Variants in RBFOX1 observed in about 807,000 individuals in gnomAD.
RBFOX1 encodes RNA binding protein fox-1 homolog 1.
Under a neutral mutation model 57.7 loss-of-function variants are expected in RBFOX1, and 8 were observed. The observed-to-expected ratio is 0.14, with a 90% confidence interval of 0.08 to 0.25. RBFOX1 has a LOEUF of 0.25. Among genes scored for constraint, RBFOX1 ranks in the 10% least tolerant of loss-of-function variants. The probability of loss-of-function intolerance (pLI) is 1.00; values close to 1 mark genes in which losing one functional copy is unlikely to be tolerated. For missense variants in RBFOX1, 611 were observed against 548.5 expected (o/e 1.11, Z -1.14); for synonymous variants, 326 against 222.4 (o/e 1.47, Z -4.15).
At chr16:5,666,732 G>A (rs1372864082) in intron 3 of RBFOX1, among the ~76,000 whole-genome samples, 1 of 152,180 alleles carries the variant, frequency 6.6e-6, no homozygotes, top group African/African-American at 2.4e-5. Flanking sequence ...TTTCTAGGTA[G>A]GGAATGGATC....
At chr16:7,079,905 G>C (rs1172081436) in intron 4 of RBFOX1, among the ~76,000 whole-genome samples, 2 of 151,844 alleles carry the variant, frequency 1.3e-5, no homozygotes, top group Non-Finnish European at 2.9e-5. Flanking sequence ...AAAAAGTTCT[G>C]TGGGTGGATG....
chr16:6,504,681 G>C (rs2153189745), intron 2 of RBFOX1, among the ~76,000 whole-genome samples: 1 of 152,288 alleles, frequency 6.6e-6, no homozygotes, highest in South Asian at 2.1e-4. Context: ...AAAGCTCCTT[G>C]TACATGCATT....
chr16:7,504,082 A>G (rs1278695698), intron 4 of RBFOX1, among the ~76,000 whole-genome samples: 1 of 152,200 alleles, frequency 6.6e-6, no homozygotes, highest in Non-Finnish European at 1.5e-5. Context: ...AAAAATTAAC[A>G]ATAATGGCAG....
intron 3 of RBFOX1, among the ~76,000 whole-genome samples, chr16:6,818,088 G>A (rs2090496672): frequency 2.0e-5 from 3 of 152,134 alleles, no homozygotes; most frequent in Admixed American, 1.3e-4. Context: ...TGATGTAATT[G>A]CATTATTGTT....
chr16:7,593,639 G>A (rs1370041941), intron 7 of RBFOX1, among the ~76,000 whole-genome samples: 1 of 151,786 alleles, frequency 6.6e-6, no homozygotes, highest in African/African-American at 2.4e-5. Flanking sequence ...ACACAGGTTT[G>A]AACTGTGCAG....
chr16:5,400,956 T>C (rs563549494), intron 1 of RBFOX1, among the ~76,000 whole-genome samples: 6 of 152,308 alleles, frequency 3.9e-5, no homozygotes, highest in African/African-American at 1.4e-4. Flanking sequence ...TTTGAAAGAT[T>C]CTTTATATAT....
intron 2 of RBFOX1, among the ~76,000 whole-genome samples, chr16:6,490,576 G>T (rs2095610015): frequency 6.6e-6 from 1 of 152,178 alleles, no homozygotes; most frequent in South Asian, 2.1e-4. Flanking sequence ...CCTGCAGAAA[G>T]CTCAGAGATG....
At chr16:6,148,635 G>A (rs1186489023) in intron 1 of RBFOX1, among the ~76,000 whole-genome samples, 1 of 152,188 alleles carries the variant, frequency 6.6e-6, no homozygotes, top group Admixed American at 6.5e-5. Context: ...GAGTGACTGT[G>A]TTCTCTAAAA....
At chr16:7,042,422 G>T (rs562029787) in intron 3 of RBFOX1, among the ~76,000 whole-genome samples, 5 of 152,068 alleles carry the variant, frequency 3.3e-5, no homozygotes, top group African/African-American at 9.7e-5. Flanking sequence ...CTATCTTTAC[G>T]GTTTTAGGAA....
intron 2 of RBFOX1, among the ~76,000 whole-genome samples, chr16:6,521,398 C>G (rs932134357): frequency 6.6e-6 from 1 of 151,384 alleles, no homozygotes; most frequent in African/African-American, 2.4e-5. Context: ...CCCTCTCTCC[C>G]TCCCTTCCTC....
At chr16:7,635,149 G>T (rs2061559219) in intron 11 of RBFOX1, among the ~76,000 whole-genome samples, 1 of 152,190 alleles carries the variant, frequency 6.6e-6, no homozygotes, top group Non-Finnish European at 1.5e-5. Flanking sequence ...GCAGAAATAG[G>T]AAGGTAAAGA....
intron 1 of RBFOX1, among the ~76,000 whole-genome samples, chr16:6,242,634 A>ACACT (rs1735812572): frequency 9.6e-6 from 1 of 103,926 alleles, no homozygotes; most frequent in Non-Finnish European, 1.9e-5. Flanking sequence ...TTGCAAACAC[A>ACACT]CACACACACA....
At chr16:5,924,064 A>C (rs563948408) in intron 4 of RBFOX1, among the ~76,000 whole-genome samples, 3 of 151,922 alleles carry the variant, frequency 2.0e-5, no homozygotes, top group Non-Finnish European at 4.4e-5. Context: ...ACTGAATCTC[A>C]TGGTATCTGA....
At chr16:7,367,885 T>TAC (rs34277471) in intron 4 of RBFOX1, among the ~76,000 whole-genome samples, 69,153 of 148,272 alleles carry the variant, frequency 0.47, 16,918 homozygotes, top group East Asian at 0.69. Flanking sequence ...CATGCGTGCA[T>TAC]ACACACACAC....
At chr16:7,099,780 G>C (rs2062355300) in intron 4 of RBFOX1, among the ~76,000 whole-genome samples, 1 of 152,182 alleles carries the variant, frequency 6.6e-6, no homozygotes, top group African/African-American at 2.4e-5. Context: ...TGATGGGCAA[G>C]TGGTTCGTAG....
chr16:6,855,134 T>A (rs1200161112), intron 3 of RBFOX1, among the ~76,000 whole-genome samples: 1 of 152,040 alleles, frequency 6.6e-6, no homozygotes, highest in African/African-American at 2.4e-5. Context: ...AGCACTATAC[T>A]GTAAATTCCG....
At chr16:6,417,235 C>T (rs1034164274) in intron 2 of RBFOX1, among the ~76,000 whole-genome samples, 1 of 151,860 alleles carries the variant, frequency 6.6e-6, no homozygotes, top group Admixed American at 6.6e-5. Context: ...TGGTCTCGAA[C>T]TCCTAACCTC....
chr16:6,657,637 C>T (rs917413787), intron 3 of RBFOX1, among the ~76,000 whole-genome samples: 1 of 152,124 alleles, frequency 6.6e-6, no homozygotes, highest in Non-Finnish European at 1.5e-5. Context: ...ATGTCCCTCT[C>T]CATTTAACCC....
chr16:6,932,665 A>C (rs954706010), intron 3 of RBFOX1, among the ~76,000 whole-genome samples: 1 of 152,186 alleles, frequency 6.6e-6, no homozygotes, highest in African/African-American at 2.4e-5. Context: ...GTTGCACCAG[A>C]TTCTGAAGTG....
Sources: allele counts gnomAD v4.1 joint callset (sites outside exome capture counted in the v4.1 genomes callset), GRCh38; gene constraint gnomAD v4.1.1; transcripts MANE v1.5; gene names NCBI Gene and HGNC (gene_info 2026-07-23, HGNC 2026-07-21).